The following PTGIS variants were observed in gnomAD, a reference collection of about 807,000 sequenced individuals.
The protein encoded by PTGIS is prostaglandin I2 synthase.
In PTGIS, 45 loss-of-function variants were observed where a neutral mutation model predicts 50.3. That is an observed-to-expected ratio of 0.90 (90% CI 0.70 to 1.15). The LOEUF (loss-of-function observed/expected upper bound fraction) is 1.15, where lower values mean the gene tolerates loss of function less well. PTGIS is among the 50% of genes most tolerant of loss of function. The pLI is 0.00. For synonymous variants in PTGIS, 260 were observed against 267.7 expected (o/e 0.97, Z 0.28); for missense variants, 668 against 661.3 (o/e 1.01, Z -0.11).
rs1297542477 is a variant in PTGIS, at chr20:49,514,497, G to A, written c.856-102C>T. On this transcript the variant is annotated intron_variant, in intron 6 of 9. Coordinates refer to ENST00000244043, the MANE Select transcript of PTGIS (RefSeq NM_000961.4). ...CAAGACAGAGGGGCCAGTAGGCCTG[G>A]GTTCCCACTGCTGCCAAACACCCAG... 9.4e-6 allele frequency: 13 copies of A among 1,376,484 alleles called. 1 individual carries two copies. In the Admixed American group the frequency reaches 2.1e-4, roughly 23 times the overall value. The allele number at this position is 1,376,484 out of a possible 1,614,324, so 85.3% of individuals were successfully genotyped here.
rs760508900 is a variant in PTGIS, at chr20:49,506,839, A to T, written c.*1081T>A. 1 of 152,226 alleles carries T rather than the reference A, an allele frequency of 6.6e-6. No homozygotes were observed. Among genetic ancestry groups the T allele is most frequent in the Non-Finnish European group, 1.5e-5 (1 of 68,096 alleles). 9.4% of individuals were successfully genotyped at this position (152,226 alleles called of 1,614,324 possible). ...GGAGGCGCTGTGAATGCAGAAGCAG[A>T]CCCGGTCAGAACCCTGGTGAAGCCG... is the stretch of plus-strand genomic sequence containing the variant. On this transcript the variant is annotated 3_prime_UTR_variant, in exon 10 of 10. Transcript: ENST00000244043.
chr20:49,554,792 A>G (rs1982586476), intron 1 of PTGIS, among the ~76,000 whole-genome samples: 1 of 152,232 alleles, frequency 6.6e-6, no homozygotes, highest in Non-Finnish European at 1.5e-5. Context: ...TTCTTGAAGC[A>G]TTATCCCACC....
In PTGIS at chr20:49,550,195, G is replaced by A. The variant is rs753197273; in HGVS notation, c.75-6C>T. The A allele has an allele frequency of 1.9e-6, 3 of 1,611,918 alleles. No homozygotes were observed. In the South Asian group the frequency reaches 3.3e-5, roughly 18 times the overall value. ...GGGGAGGCTCACCAGGTCGCCTACA[G>A]AAGCCATGGCACTTGTCACCATTTG... is the stretch of plus-strand genomic sequence containing the variant. On this transcript the variant is annotated splice_region_variant and splice_polypyrimidine_tract_variant and intron_variant, in intron 1 of 9. Transcript: ENST00000244043.
At chr20:49,508,580 A>G (rs1411417151) in intron 9 of PTGIS, among the ~76,000 whole-genome samples, 4 of 151,992 alleles carry the variant, frequency 2.6e-5, no homozygotes, top group African/African-American at 9.7e-5. Flanking sequence ...CCTCCAGCCC[A>G]CACACTTTGC....
intron 1 of PTGIS, 112 bp downstream of exon 1, chr20:49,567,931 A>C: frequency 2.9e-6 from 3 of 1,018,654 alleles, no homozygotes; most frequent in African/African-American, 1.7e-5. Context: ...TGCCCGGGAT[A>C]CTGGAGCGGG....
In PTGIS at chr20:49,504,748, T is replaced by C. The variant is rs1370251809; in HGVS notation, c.*3172A>G. On this transcript the variant is annotated 3_prime_UTR_variant, in exon 10 of 10. Transcript: ENST00000244043. ...AGTCTGTTTAAAGGAGAATATTTGG[T>C]AAACAACAATATTAAAATATAGCAA... 6.7e-6 allele frequency: 1 copy of C among 149,986 alleles called. No homozygotes were observed. The highest frequency in any genetic ancestry group is 2.0e-4 in the East Asian group (1 of 5,068). The allele number at this position is 149,986 out of a possible 1,614,324, so 9.3% of individuals were successfully genotyped here. A position where few individuals can be genotyped will look rare whatever the true frequency, so the allele number is the denominator to read the frequency against.
At chr20:49,531,297 G>C (rs1981928531) in intron 5 of PTGIS, among the ~76,000 whole-genome samples, 1 of 152,190 alleles carries the variant, frequency 6.6e-6, no homozygotes, top group Non-Finnish European at 1.5e-5. Context: ...AGGAAGAGAA[G>C]ATTCTGGAAA....
intron 5 of PTGIS, 129 bp downstream of exon 5, chr20:49,539,441 T>A (rs1982164853): frequency 8.9e-7 from 1 of 1,129,890 alleles, no homozygotes; most frequent in Admixed American, 2.3e-5. Flanking sequence ...GTGATGGGGA[T>A]CTTACTGCCT....
intron 5 of PTGIS, among the ~76,000 whole-genome samples, chr20:49,525,594 T>A (rs200226267): frequency 0.024 from 3,687 of 152,044 alleles, 131 homozygotes; most frequent in African/African-American, 0.079. Flanking sequence ...TTTTTTTTTT[T>A]TTAAAATATT....
Position 49,507,582 on chromosome 20 carries a change from G to A in PTGIS, c.*338C>T, listed in dbSNP as rs1284625612. 2.5e-6 allele frequency: 1 copy of A among 395,994 alleles called. No homozygotes were observed. The highest frequency in any genetic ancestry group is 2.2e-5 in the South Asian group (1 of 46,484). The allele number at this position is 395,994 out of a possible 1,614,324, so 24.5% of individuals were successfully genotyped here. On this transcript the variant is annotated 3_prime_UTR_variant, in exon 10 of 10. Coordinates refer to ENST00000244043, the MANE Select transcript of PTGIS (RefSeq NM_000961.4). ...AACTAGGAAGGTGACACCTCCGGGA[G>A]TTGGGGGCAGAGCAGTGAAGACTCC... is the stretch of plus-strand genomic sequence containing the variant.
chr20:49,511,888 G>GGTAGATTGGGTGGATGGATGGATGA (rs1411397541), intron 8 of PTGIS, among the ~76,000 whole-genome samples: 13 of 151,808 alleles, frequency 8.6e-5, no homozygotes, highest in African/African-American at 3.1e-4. Flanking sequence ...TGGATGGATG[G>GGTAGATTGGGTGGATGGATGGATGA]GTAGATGGGT....
intron 5 of PTGIS, among the ~76,000 whole-genome samples, chr20:49,525,098 G>A (rs1568673292): frequency 6.6e-6 from 1 of 152,186 alleles, no homozygotes. Context: ...AAAGACATCA[G>A]CAACAACCTA....
intron 6 of PTGIS, 104 bp downstream of exon 6, chr20:49,523,954 C>T: frequency 7.3e-7 from 1 of 1,367,270 alleles, no homozygotes. Flanking sequence ...CAGGCATAGT[C>T]ATGTGCACAC....
rs1188621399 is a variant in PTGIS, at chr20:49,544,366, C to T, written c.460G>A (p.Glu154Lys). Residue 154 changes from glutamate to lysine, a missense_variant, in exon 4 of 10, where the codon GAA becomes AAA. Coordinates refer to ENST00000244043, the MANE Select transcript of PTGIS (RefSeq NM_000961.4). ...ATCTCGTGCCAGCCACTGCCTGCTT[C>T]TGTAGCATCGCCCAACAGCACTGCA... ...LHAVLLGDATEAGSGWHEMGL... is the reference protein window; with the variant it reads ...LHAVLLGDATKAGSGWHEMGL... The T allele has an allele frequency of 1.2e-6, 2 of 1,614,046 alleles. No individual in the cohort carries two copies. The highest frequency in any genetic ancestry group is 1.3e-5 in the African/African-American group (1 of 74,912).
Position 49,507,468 on chromosome 20 carries a change from T to A in PTGIS, c.*452A>T, listed in dbSNP as rs148519956. 326 of 282,228 alleles carry A rather than the reference T, an allele frequency of 1.2e-3. No homozygotes were observed. Among genetic ancestry groups the A allele is most frequent in the African/African-American group, 6.7e-3 (306 of 45,752 alleles). The allele number at this position is 282,228 out of a possible 1,614,324, so 17.5% of individuals were successfully genotyped here. On this transcript the variant is annotated 3_prime_UTR_variant, in exon 10 of 10. Transcript: ENST00000244043. ...TTGGGGGACTGACTGCTGAATGACA[T>A]CAATGGACACAAAGGACATCCTGAG... is the stretch of plus-strand genomic sequence containing the variant.
intron 5 of PTGIS, among the ~76,000 whole-genome samples, chr20:49,529,885 T>G (rs1171957669): frequency 1.3e-5 from 2 of 152,232 alleles, no homozygotes; most frequent in African/African-American, 4.8e-5. Context: ...CCAGGCATGG[T>G]GGCTCACGCC....
chr20:49,534,476 C>G (rs1187269420), intron 5 of PTGIS, among the ~76,000 whole-genome samples: 1 of 151,928 alleles, frequency 6.6e-6, no homozygotes, highest in Non-Finnish European at 1.5e-5. Context: ...GGGCTGCTCC[C>G]AGAGTGATGG....
At position 49,514,216 on chromosome 20, in the gene PTGIS, G is replaced by T; in HGVS notation, c.1024+11C>A. The T allele has an allele frequency of 6.2e-7, 1 of 1,613,238 alleles. No homozygotes were observed. Among genetic ancestry groups the T allele is most frequent in the South Asian group, 1.1e-5 (1 of 91,046 alleles). Reference sequence around the variant, plus strand: ...TCTTAGGGGCTATCTTGGAGGGTCTGACGATCTCACCAAGCACAGGTGTGC... The same window carrying T: ...TCTTAGGGGCTATCTTGGAGGGTCTTACGATCTCACCAAGCACAGGTGTGC... On this transcript the variant is annotated intron_variant, in intron 7 of 9. Transcript: ENST00000244043.
chr20:49,567,315 C>A (rs1982924225), intron 1 of PTGIS, among the ~76,000 whole-genome samples: 1 of 152,308 alleles, frequency 6.6e-6, no homozygotes, highest in African/African-American at 2.4e-5. Flanking sequence ...AGCTGGAAAA[C>A]CTTTGGGACC....
Sources: gnomAD v4.1 joint callset for allele counts (sites outside exome capture counted in the v4.1 genomes callset) on GRCh38, gnomAD v4.1.1 for gene constraint, MANE v1.5 for transcripts, NCBI Gene and HGNC (gene_info 2026-07-23, HGNC 2026-07-21) for gene names.